LRP1B: variants seen among roughly 807,000 people sequenced by gnomAD.
LRP1B encodes LDL receptor related protein 1B, also known as low-density lipoprotein receptor-related protein 1B.
In LRP1B, 217 loss-of-function variants were observed where a neutral mutation model predicts 556.6. The observed-to-expected ratio is 0.39, with a 90% confidence interval of 0.35 to 0.44. LRP1B has a LOEUF of 0.44. Among genes scored for constraint, LRP1B ranks in the 20% least tolerant of loss-of-function variants. LRP1B has a pLI of 1.00. For synonymous variants in LRP1B, 2,047 were observed against 1,865.8 expected, an observed-to-expected ratio of 1.10 and a Z score of -2.50; for missense variants, 5,053 against 5,620.8, an observed-to-expected ratio of 0.90 and a Z score of 3.23.
chr2:141,198,545 A>C (rs1681848489), intron 6 of LRP1B, among the ~76,000 whole-genome samples: 1 of 152,146 alleles, frequency 6.6e-6, no homozygotes, highest in Non-Finnish European at 1.5e-5. Context: ...ATTTGGTGGC[A>C]GGTCAATATC....
At chr2:141,440,199 G>A (rs1680910112) in intron 3 of LRP1B, among the ~76,000 whole-genome samples, 1 of 152,200 alleles carries the variant, frequency 6.6e-6, no homozygotes, top group African/African-American at 2.4e-5. Context: ...CAAAGGCGAG[G>A]AGTGACATAG....
At chr2:140,297,756 A>G in intron 84 of LRP1B, 52 bp downstream of exon 84, 1 of 1,528,842 alleles carries the variant, frequency 6.5e-7, no homozygotes. Context: ...ACAGGAAATC[A>G]GAAGATTAAC....
rs1553472476 is a variant in LRP1B at position 141,185,698 on chromosome 2, A to AAC, written c.1013+2722_1013+2723insGT. 2.1e-4 allele frequency among the ~76,000 whole-genome samples: 25 copies of AAC among 120,350 alleles called. 1 individual carries two copies. The highest frequency in any genetic ancestry group is 5.6e-4 in the African/African-American group (20 of 35,450). The allele number at this position is 120,350 out of a possible 152,430, so 79.0% of individuals were successfully genotyped here. On this transcript the variant is annotated intron_variant, in intron 7 of 90. Transcript: ENST00000389484. ...GAAAAACAAACAAACAAAAAAAAAC[A>AAC]AAAAAAAAAACAAGAACCAAAAAAT...
chr2:141,540,526 G>T (rs1034061314), intron 2 of LRP1B, among the ~76,000 whole-genome samples: 1 of 151,960 alleles, frequency 6.6e-6, no homozygotes, highest in African/African-American at 2.4e-5. Flanking sequence ...GAAGAAAAGT[G>T]CTTCAAGACT....
intron 31 of LRP1B, among the ~76,000 whole-genome samples, chr2:140,820,318 G>C (rs1212915847): frequency 6.6e-6 from 1 of 152,114 alleles, no homozygotes; most frequent in Non-Finnish European, 1.5e-5. Flanking sequence ...TCAACAACTA[G>C]TTGAGTATAC....
At chr2:141,376,521 C>G (rs145448940) in intron 3 of LRP1B, among the ~76,000 whole-genome samples, 272 of 152,276 alleles carry the variant, frequency 1.8e-3, no homozygotes, top group African/African-American at 6.2e-3. Context: ...TATTCGCATT[C>G]TTCTCCGTGG....
chr2:141,656,889 G>A (rs1168174891), intron 2 of LRP1B, among the ~76,000 whole-genome samples: 1 of 152,010 alleles, frequency 6.6e-6, no homozygotes, highest in Non-Finnish European at 1.5e-5. Context: ...ACAAAGATAT[G>A]CTAATAGAAG....
intron 66 of LRP1B, among the ~76,000 whole-genome samples, chr2:140,402,635 G>C (rs902286338): frequency 1.3e-5 from 2 of 152,142 alleles, no homozygotes; most frequent in African/African-American, 4.8e-5. Context: ...CTTTCCTGTT[G>C]GCCTGGCAGG....
At chr2:140,379,912 G>A (rs192104810) in intron 67 of LRP1B, among the ~76,000 whole-genome samples, 135 of 152,176 alleles carry the variant, frequency 8.9e-4, no homozygotes, top group Middle Eastern at 3.4e-3. Context: ...TTTAGTAAAT[G>A]TGACAATAGA....
At chr2:141,522,838 C>T (rs575617863) in intron 2 of LRP1B, among the ~76,000 whole-genome samples, 1 of 152,234 alleles carries the variant, frequency 6.6e-6, no homozygotes, top group East Asian at 1.9e-4. Flanking sequence ...GAGCTTTTAT[C>T]TTATCTGTGA....
Position 140,590,058 on chromosome 2 carries a change from A to C in LRP1B, c.7194+8573T>G, listed in dbSNP as rs565309981. On this transcript the variant is annotated intron_variant, in intron 43 of 90. Transcript: ENST00000389484. Reference sequence around the variant, plus strand: ...TATTACTTTGTACAACTTCATGTGAATCTACAGTTATCTCCAAATAAAAAT... The same window carrying C: ...TATTACTTTGTACAACTTCATGTGACTCTACAGTTATCTCCAAATAAAAAT... Among the ~76,000 whole-genome samples, 4 of 152,172 alleles carry C rather than the reference A, an allele frequency of 2.6e-5. No homozygotes were observed. The East Asian group carries it at 5.8e-4, about 22-fold the overall frequency.
chr2:140,263,844 C>T (rs1682064829), intron 86 of LRP1B, among the ~76,000 whole-genome samples: 2 of 148,324 alleles, frequency 1.3e-5, no homozygotes, highest in Non-Finnish European at 3.0e-5. Flanking sequence ...ATTCTGCCAT[C>T]TTCTACCCAT....
chr2:141,822,130 C>CGAGAGAGAGAGAGAGAGAGAG (rs1696773184), intron 1 of LRP1B, among the ~76,000 whole-genome samples: 1 of 95,864 alleles, frequency 1.0e-5, no homozygotes, highest in Admixed American at 1.2e-4. Flanking sequence ...CACACACACA[C>CGAGAGAGAGAGAGAGAGAGAG]AGAGAGAGAG....
At chr2:141,959,974 A>G (rs949708786) in intron 1 of LRP1B, among the ~76,000 whole-genome samples, 1 of 151,940 alleles carries the variant, frequency 6.6e-6, no homozygotes, top group African/African-American at 2.4e-5. Context: ...AATGTAGGAA[A>G]AATAGAACTT....
chr2:141,285,848 C>G, intron 3 of LRP1B, among the ~76,000 whole-genome samples: 1 of 148,206 alleles, frequency 6.7e-6, no homozygotes, highest in Non-Finnish European at 1.5e-5. Context: ...GGGCGGATCA[C>G]GAGGTCAGGA....
At chr2:141,122,563 C>G (rs1701087004) in intron 7 of LRP1B, among the ~76,000 whole-genome samples, 1 of 152,200 alleles carries the variant, frequency 6.6e-6, no homozygotes, top group Non-Finnish European at 1.5e-5. Flanking sequence ...CCATCTCACA[C>G]CAGTTAGAAT....
At chr2:140,767,884 A>T (rs1204042304) in intron 35 of LRP1B, among the ~76,000 whole-genome samples, 6 of 151,896 alleles carry the variant, frequency 4.0e-5, no homozygotes. Flanking sequence ...AATCTTTTAA[A>T]AGTTCAAATT....
chr2:141,277,323 A>G (rs555387787), intron 3 of LRP1B, among the ~76,000 whole-genome samples: 1 of 152,280 alleles, frequency 6.6e-6, no homozygotes, highest in South Asian at 2.1e-4. Context: ...CTTTTTAATA[A>G]TAGCCATTCT....
At chr2:141,875,985 G>A (rs1222520773) in intron 1 of LRP1B, among the ~76,000 whole-genome samples, 2 of 151,908 alleles carry the variant, frequency 1.3e-5, no homozygotes, top group Non-Finnish European at 1.5e-5. Context: ...TAAGATTTGT[G>A]TATAAAACAA....
Sources: gnomAD v4.1 joint callset for allele counts (sites outside exome capture counted in the v4.1 genomes callset) on GRCh38, gnomAD v4.1.1 for gene constraint, MANE v1.5 for transcripts, NCBI Gene and HGNC (gene_info 2026-07-23, HGNC 2026-07-21) for gene names.